Variants in PTPRD observed in about 807,000 individuals in gnomAD.
The protein encoded by PTPRD is receptor-type tyrosine-protein phosphatase delta.
In PTPRD, 34 loss-of-function variants were observed where a neutral mutation model predicts 214.5. That is an observed-to-expected ratio of 0.16 (90% CI 0.12 to 0.21). The LOEUF (loss-of-function observed/expected upper bound fraction) is 0.21. PTPRD is among the 10% of genes least tolerant of loss of function. The pLI is 1.00. For missense variants in PTPRD, 2,545 were observed against 2,398.7 expected (o/e 1.06, Z -1.27); for synonymous variants, 1,128 against 845.7 (o/e 1.33, Z -5.79).
intron 5 of PTPRD, among the ~76,000 whole-genome samples, chr9:9,850,477 TG>T (rs766874665): frequency 5.9e-5 from 9 of 152,196 alleles, no homozygotes; most frequent in Non-Finnish European, 1.2e-4. Flanking sequence ...AGTCATGTGA[TG>T]AATTTCAGAT....
intron 9 of PTPRD, among the ~76,000 whole-genome samples, chr9:9,386,051 G>A (rs752338353): frequency 6.6e-6 from 1 of 152,018 alleles, no homozygotes; most frequent in Non-Finnish European, 1.5e-5. Context: ...CTTACCTAAG[G>A]GAAAATTTTA....
chr9:9,794,436 G>C (rs1259261855), intron 5 of PTPRD, among the ~76,000 whole-genome samples: 1 of 151,946 alleles, frequency 6.6e-6, no homozygotes, highest in Non-Finnish European at 1.5e-5. Context: ...TGGTATTTGG[G>C]GTACTGGTGG....
At chr9:8,767,277 C>T (rs1356015185) in intron 11 of PTPRD, among the ~76,000 whole-genome samples, 1 of 152,036 alleles carries the variant, frequency 6.6e-6, no homozygotes, top group African/African-American at 2.4e-5. Context: ...ACCACCACAA[C>T]CAGCTAATTT....
intron 11 of PTPRD, among the ~76,000 whole-genome samples, chr9:8,929,795 G>GTATATATA (rs1567062103): frequency 0.03 from 3,322 of 109,532 alleles, 332 homozygotes; most frequent in Middle Eastern, 0.071. Context: ...GTATATATGT[G>GTATATATA]TGTGTATATA....
chr9:10,598,239 T>C (rs2133229562), intron 2 of PTPRD, among the ~76,000 whole-genome samples: 1 of 151,972 alleles, frequency 6.6e-6, no homozygotes, highest in Middle Eastern at 3.4e-3. Flanking sequence ...ACATATTATA[T>C]TCAGTTTTAC....
chr9:10,049,435 G>T, intron 3 of PTPRD, among the ~76,000 whole-genome samples: 1 of 119,246 alleles, frequency 8.4e-6, no homozygotes, highest in South Asian at 2.8e-4. Context: ...AAGAAAGAAA[G>T]AAAAGAAAAA....
chr9:10,016,461 T>A (rs1228201533), intron 4 of PTPRD, among the ~76,000 whole-genome samples: 2 of 152,104 alleles, frequency 1.3e-5, no homozygotes, highest in African/African-American at 4.8e-5. Flanking sequence ...AATGATGGTG[T>A]CTGTAAATCA....
At chr9:9,049,673 T>C (rs1173152665) in intron 10 of PTPRD, among the ~76,000 whole-genome samples, 1 of 152,050 alleles carries the variant, frequency 6.6e-6, no homozygotes, top group Non-Finnish European at 1.5e-5. Flanking sequence ...TGTGGGGTTT[T>C]AGGTCTATAC....
chr9:9,712,208 A>G (rs948303719), intron 7 of PTPRD, among the ~76,000 whole-genome samples: 1 of 152,190 alleles, frequency 6.6e-6, no homozygotes, highest in African/African-American at 2.4e-5. Flanking sequence ...ATCAATGAAC[A>G]TTAAAAAGTA....
At chr9:9,410,937 T>C (rs1342108276) in intron 8 of PTPRD, among the ~76,000 whole-genome samples, 3 of 152,230 alleles carry the variant, frequency 2.0e-5, no homozygotes, top group South Asian at 4.1e-4. Context: ...GTGACCTAAA[T>C]TGAGGCTTAG....
At chr9:8,394,997 G>A (rs974573235) in intron 36 of PTPRD, among the ~76,000 whole-genome samples, 1 of 152,130 alleles carries the variant, frequency 6.6e-6, no homozygotes, top group African/African-American at 2.4e-5. Flanking sequence ...CGTGGCTCCA[G>A]TGGATGCGGC....
chr9:8,661,240 G>C (rs759390265), intron 12 of PTPRD, among the ~76,000 whole-genome samples: 5 of 152,030 alleles, frequency 3.3e-5, no homozygotes, highest in Non-Finnish European at 5.9e-5. Context: ...AATGGTCAGA[G>C]AAAATCCTAA....
intron 34 of PTPRD, among the ~76,000 whole-genome samples, chr9:8,439,344 A>G (rs1266761208): frequency 2.0e-5 from 3 of 152,354 alleles, no homozygotes; most frequent in East Asian, 3.9e-4. Flanking sequence ...TCTCTTCTTC[A>G]TAACTTTCAT....
chr9:8,939,175 A>T (rs2099015952), intron 11 of PTPRD, among the ~76,000 whole-genome samples: 1 of 152,162 alleles, frequency 6.6e-6, no homozygotes, highest in African/African-American at 2.4e-5. Flanking sequence ...ATTTAAGTCT[A>T]TTGTTTATTG....
At chr9:9,288,505 G>C (rs918639556) in intron 9 of PTPRD, among the ~76,000 whole-genome samples, 10 of 151,738 alleles carry the variant, frequency 6.6e-5, no homozygotes, top group African/African-American at 2.2e-4. Context: ...TGGTATATCT[G>C]TGTGAGTCTG....
chr9:10,318,540 C>A (rs1320430178), intron 3 of PTPRD, among the ~76,000 whole-genome samples: 1 of 152,012 alleles, frequency 6.6e-6, no homozygotes, highest in Non-Finnish European at 1.5e-5. Flanking sequence ...TCACTTCTCA[C>A]CACCTGGAAC....
chr9:8,647,580 T>C (rs1033128), intron 12 of PTPRD, among the ~76,000 whole-genome samples: 24,421 of 152,146 alleles, frequency 0.16, 2,470 homozygotes, highest in African/African-American at 0.28. Context: ...AGAAAAAGAC[T>C]TCAAAACTTT....
intron 9 of PTPRD, among the ~76,000 whole-genome samples, chr9:9,314,648 C>A (rs573250582): frequency 7.2e-5 from 11 of 152,056 alleles, no homozygotes; most frequent in African/African-American, 2.6e-4. Flanking sequence ...GTAATAAATG[C>A]CTGTTCAATT....
intron 5 of PTPRD, among the ~76,000 whole-genome samples, chr9:9,899,455 A>G (rs559916103): frequency 2.0e-5 from 3 of 152,236 alleles, no homozygotes; most frequent in Admixed American, 6.5e-5. Context: ...AAAAAGTTCA[A>G]TAACACAATT....
Sources: allele counts gnomAD v4.1 joint callset (sites outside exome capture counted in the v4.1 genomes callset), GRCh38; gene constraint gnomAD v4.1.1; transcripts MANE v1.5; gene names NCBI Gene and HGNC (gene_info 2026-07-23, HGNC 2026-07-21).